The following HLA-DQA2 variants were observed in gnomAD, a reference collection of about 807,000 sequenced individuals.
The protein encoded by HLA-DQA2 is HLA class II histocompatibility antigen, DQ alpha 2 chain.
In HLA-DQA2, 17 loss-of-function variants were observed where a neutral mutation model predicts 21.0. The observed-to-expected ratio is 0.81, with a 90% confidence interval of 0.56 to 1.22. The LOEUF is 1.22. Ranked by LOEUF, HLA-DQA2 falls within the 50% of genes most tolerant of loss-of-function variation. The pLI is 0.00. For synonymous variants in HLA-DQA2, 81 were observed against 116.5 expected (o/e 0.70, Z 1.96); for missense variants, 239 against 308.8 (o/e 0.77, Z 1.69).
intron 1 of HLA-DQA2, among the ~76,000 whole-genome samples, chr6:32,742,035 G>A (rs1042755462): frequency 7.2e-5 from 11 of 152,198 alleles, no homozygotes; most frequent in Non-Finnish European, 1.6e-4. Context: ...CAGGTGGGGA[G>A]TAGGTGAAAG....
At position 32,745,830 on chromosome 6, in the gene HLA-DQA2, C is replaced by T. The variant is rs144060347; in HGVS notation, c.371C>T (p.Thr124Met). ...ACAGTGTTTTCCAAGTTTCCTGTGACGCTGGGTCAGCCCAACACCCTCATC... is the reference window on the plus strand; with the variant it reads ...ACAGTGTTTTCCAAGTTTCCTGTGATGCTGGGTCAGCCCAACACCCTCATC... ...EVTVFSKFPV[T>M]LGQPNTLICL... The change falls in exon 3 of 5, where the codon ACG becomes ATG. Residue 124 changes from threonine to methionine, a missense_variant. By Grantham distance (81) the Thr-to-Met change is moderately conservative. Transcript: ENST00000374940. 1.7e-5 allele frequency: 27 copies of T among 1,613,134 alleles called. No homozygotes were observed. Among genetic ancestry groups the T allele is most frequent in the South Asian group, 5.5e-5 (5 of 91,090 alleles).
Position 32,746,266 on chromosome 6 carries a change from G to C in HLA-DQA2, c.640G>C (p.Glu214Gln), listed in dbSNP as rs1411017723. ...GCCTGAGATTCCAGCCCCTATGTCAGAGCTCACAGAGACTTTGGTCTGCGC... is the reference window on the plus strand; with the variant it reads ...GCCTGAGATTCCAGCCCCTATGTCACAGCTCACAGAGACTTTGGTCTGCGC... ...WEPEIPAPMS[E>Q]LTETLVCALG... Residue 214 changes from glutamate (E) to glutamine (Q), a missense_variant, in exon 4 of 5, where the codon GAG (glutamate) becomes CAG (glutamine). Physicochemically the swap from Glu to Gln is conservative, Grantham distance 29. Transcript: ENST00000374940. The C allele has an allele frequency of 1.2e-6, 2 of 1,613,100 alleles. No homozygotes were observed. Among genetic ancestry groups the C allele is most frequent in the Non-Finnish European group, 1.7e-6 (2 of 1,180,028 alleles).
chr6:32,744,264 A>G (rs1221045414), intron 1 of HLA-DQA2, among the ~76,000 whole-genome samples: 1 of 148,268 alleles, frequency 6.7e-6, no homozygotes, highest in African/African-American at 2.5e-5. Flanking sequence ...AAAAATGTCC[A>G]GTTCGGCTCA....
In HLA-DQA2 at chr6:32,746,371, T is replaced by C. The variant is rs1359299077; in HGVS notation, c.745T>C (p.Ser249Pro). Reference sequence around the variant, plus strand: ...CCAAGGCCTGCGTTCAGTTGGTGCTTCCAGACACCAAGGGCTCTTATGAAT... The same window carrying C: ...CCAAGGCCTGCGTTCAGTTGGTGCTCCCAGACACCAAGGGCTCTTATGAAT... ...IIQGLRSVGA[S>P]RHQGLL The change falls in exon 4 of 5, where the codon TCC (serine) becomes CCC (proline). Residue 249 changes from serine (S) to proline (P), a missense_variant. Transcript: ENST00000374940. The C allele has an allele frequency of 6.8e-6, 11 of 1,612,504 alleles. No individual in the cohort carries two copies. In the South Asian group the frequency reaches 1.2e-4, roughly 18 times the overall value.
Position 32,746,236 on chromosome 6 carries a change from A to G in HLA-DQA2, c.614-4A>G, listed in dbSNP as rs368105988. The G allele has an allele frequency of 5.0e-6, 8 of 1,612,960 alleles. No homozygotes were observed. ...TTCTGACCTCAACAGCTCCACTTTCACAGAGCCTGAGATTCCAGCCCCTAT... is the reference window on the plus strand; with the variant it reads ...TTCTGACCTCAACAGCTCCACTTTCGCAGAGCCTGAGATTCCAGCCCCTAT... On this transcript the variant is annotated splice_polypyrimidine_tract_variant and splice_region_variant and intron_variant, in intron 3 of 4. Coordinates refer to ENST00000374940, the MANE Select transcript of HLA-DQA2 (RefSeq NM_020056.5).
intron 1 of HLA-DQA2, 108 bp from the exon 2 acceptor site, chr6:32,745,051 C>G (rs535638659): frequency 8.2e-6 from 11 of 1,339,168 alleles, no homozygotes; most frequent in Non-Finnish European, 1.1e-5. Flanking sequence ...GGGACTGTGC[C>G]AAAGATGAAG....
At position 32,741,504 on chromosome 6, in the gene HLA-DQA2, T is replaced by G. The variant is rs1402892217; in HGVS notation, c.61T>G (p.Cys21Gly). The G allele has an allele frequency of 6.2e-7, 1 of 1,614,080 alleles. No homozygotes were observed. The highest frequency in any genetic ancestry group is 8.5e-7 in the Non-Finnish European group (1 of 1,179,982). The change falls in exon 1 of 5, where the codon TGT becomes GGT. Residue 21 changes from cysteine (C) to glycine (G), a missense_variant. Physicochemically the swap from Cys to Gly is radical, Grantham distance 159 (BLOSUM62 -3). Coordinates refer to ENST00000374940, the MANE Select transcript of HLA-DQA2 (RefSeq NM_020056.5). ...CGCCCTGACTGCCGTGATGAGCCCC[T>G]GTGGAGGTGAAGACATTGTGGGTGA... The part of the protein sequence containing the change: ...ALALTAVMSP[C>G]GGEDIVADHV...
At chr6:32,741,910 C>A (rs1763240627) in intron 1 of HLA-DQA2, among the ~76,000 whole-genome samples, 1 of 152,036 alleles carries the variant, frequency 6.6e-6, no homozygotes, top group South Asian at 2.1e-4. Context: ...TTTTCATATG[C>A]CTCCTATAGC....
chr6:32,746,029 G>C lies in HLA-DQA2; in HGVS notation c.570G>C (p.Lys190Asn), dbSNP rs775605678. 5 of 1,612,448 alleles carry C rather than the reference G, an allele frequency of 3.1e-6. No homozygotes were observed. In the South Asian group the frequency reaches 5.5e-5, roughly 18 times the overall value. Reference protein sequence around the residue: ...LPSADEIYDCKVEHWGLDEPL... With the variant: ...LPSADEIYDCNVEHWGLDEPL... ...CTGCTGATGAGATTTATGACTGCAA[G>C]GTGGAGCACTGGGGCCTGGACGAGC... The change falls in exon 3 of 5, where the codon AAG (lysine) becomes AAC (asparagine). Residue 190 changes from lysine to asparagine, a missense_variant. Coordinates refer to ENST00000374940, the MANE Select transcript of HLA-DQA2 (RefSeq NM_020056.5).
chr6:32,746,802 T>C lies in HLA-DQA2; in HGVS notation c.*241T>C, dbSNP rs868507392. On this transcript the variant is annotated 3_prime_UTR_variant, in exon 5 of 5. Coordinates refer to ENST00000374940, the MANE Select transcript of HLA-DQA2 (RefSeq NM_020056.5). ...TTTTATTTTCTCAAATGTTACCTAC[T>C]AAGGGATGCCTGGGTAAGCCACTCA... is the stretch of plus-strand genomic sequence containing the variant. The C allele has an allele frequency of 9.9e-5, 40 of 402,128 alleles. No homozygotes were observed. The Middle Eastern group carries it at 9.0e-3, about 90-fold the overall frequency. The allele number at this position is 402,128 out of a possible 1,614,324, so 24.9% of individuals were successfully genotyped here. A position where few individuals can be genotyped will look rare whatever the true frequency, so the allele number is the denominator to read the frequency against.
chr6:32,745,372 T>C lies in HLA-DQA2; in HGVS notation c.296T>C (p.Met99Thr), dbSNP rs771116268. The C allele has an allele frequency of 6.8e-6, 11 of 1,613,956 alleles. No individual in the cohort carries two copies. Among genetic ancestry groups the C allele is most frequent in the Non-Finnish European group, 9.3e-6 (11 of 1,179,964 alleles). The change falls in exon 2 of 5, where the codon ATG becomes ACG. Residue 99 changes from methionine to threonine, a missense_variant. Coordinates refer to ENST00000374940, the MANE Select transcript of HLA-DQA2 (RefSeq NM_020056.5). ...GTGGGAAAACACACCTTGGAATTCA[T>C]GATGAGACAGTCCAACTCTACCGCT... is the stretch of plus-strand genomic sequence containing the variant. ...MAVGKHTLEF[M>T]MRQSNSTAAT... is the part of the protein sequence containing the mutation.
At chr6:32,741,701 T>C (rs1012605227) in intron 1 of HLA-DQA2, among the ~76,000 whole-genome samples, 176 bp downstream of exon 1, 1 of 152,240 alleles carries the variant, frequency 6.6e-6, no homozygotes, top group South Asian at 2.1e-4. Context: ...ACCGACTCTC[T>C]TTGCTACCTG....
chr6:32,742,189 A>C (rs1332502498), intron 1 of HLA-DQA2, among the ~76,000 whole-genome samples: 1 of 152,212 alleles, frequency 6.6e-6, no homozygotes, highest in Non-Finnish European at 1.5e-5. Context: ...TAAAAACATG[A>C]ATGTCAACTT....
intron 3 of HLA-DQA2, 23 bp from the exon 4 acceptor site, chr6:32,746,217 C>T: frequency 6.2e-7 from 1 of 1,612,516 alleles, no homozygotes; most frequent in Non-Finnish European, 8.5e-7. Flanking sequence ...CACATTCTGA[C>T]CTCAACAGCT....
chr6:32,746,164 C>T (rs1333839970), intron 3 of HLA-DQA2, 76 bp from the exon 4 acceptor site: 2 of 1,595,580 alleles, frequency 1.3e-6, no homozygotes, highest in Non-Finnish European at 1.7e-6. Flanking sequence ...AGAGCCAGCC[C>T]TCCACCCCAT....
At position 32,745,799 on chromosome 6, in the gene HLA-DQA2, G is replaced by C. The variant is rs750646643; in HGVS notation, c.340G>C (p.Glu114Gln). ...CTGTTTCCTCACCACAGAGGTTCCT[G>C]AGGTCACAGTGTTTTCCAAGTTTCC... Reference protein sequence around the residue: ...NSTAATNEVPEVTVFSKFPVT... With the variant: ...NSTAATNEVPQVTVFSKFPVT... The change falls in exon 3 of 5, where the codon GAG becomes CAG. Residue 114 changes from glutamate to glutamine, a missense_variant. Glu to Gln is a conservative substitution (Grantham distance 29). Coordinates refer to ENST00000374940, the MANE Select transcript of HLA-DQA2 (RefSeq NM_020056.5). 1.5e-5 allele frequency: 25 copies of C among 1,613,000 alleles called. No individual in the cohort carries two copies. In the African/African-American group the frequency reaches 3.2e-4, roughly 21 times the overall value.
Position 32,747,144 on chromosome 6 carries a change from AC to A in HLA-DQA2, c.*586del, listed in dbSNP as rs1763654838. 6.9e-6 allele frequency: 1 copy of A among 144,714 alleles called. No homozygotes were observed. The highest frequency in any genetic ancestry group is 1.5e-5 in the Non-Finnish European group (1 of 68,842). The allele number at this position is 144,714 out of a possible 1,614,324, so 9.0% of individuals were successfully genotyped here. A position where few individuals can be genotyped will look rare whatever the true frequency, so the allele number is the denominator to read the frequency against. On this transcript the variant is annotated 3_prime_UTR_variant, in exon 5 of 5. Coordinates refer to ENST00000374940, the MANE Select transcript of HLA-DQA2 (RefSeq NM_020056.5). Reference sequence around the variant, plus strand: ...CACCCCTCAATTCAGGTACCAACGAACCCTCTGCCCTTGGCTCAGAATGGTT... The same window carrying A: ...CACCCCTCAATTCAGGTACCAACGAACCTCTGCCCTTGGCTCAGAATGGTT...
chr6:32,746,489 T>A, intron 4 of HLA-DQA2, 75 bp downstream of exon 4: 1 of 1,549,748 alleles, frequency 6.5e-7, no homozygotes, highest in Non-Finnish European at 8.9e-7. Flanking sequence ...TGGACATGAA[T>A]GTGGTTGAAA....
chr6:32,744,397 A>C (rs1382820216), intron 1 of HLA-DQA2, among the ~76,000 whole-genome samples: 1 of 150,492 alleles, frequency 6.6e-6, no homozygotes, highest in Non-Finnish European at 1.5e-5. Context: ...GAATCAGAAC[A>C]CTATAGATAT....
Sources: gnomAD v4.1 joint callset for allele counts (sites outside exome capture counted in the v4.1 genomes callset) on GRCh38, gnomAD v4.1.1 for gene constraint, MANE v1.5 for transcripts, NCBI Gene and HGNC (gene_info 2026-07-23, HGNC 2026-07-21) for gene names.